RIMS3: variants seen among roughly 807,000 people sequenced by gnomAD.
The protein encoded by RIMS3 is regulating synaptic membrane exocytosis protein 3.
In RIMS3, 15 loss-of-function variants were observed where a neutral mutation model predicts 29.2. The ratio of observed to expected loss-of-function variants is 0.51; its 90% confidence interval spans 0.34 to 0.79. The LOEUF is 0.79. RIMS3 is among the 30% of genes least tolerant of loss of function. The pLI is 0.01. For synonymous variants in RIMS3, 161 were observed against 170.1 expected (o/e 0.95, Z 0.41); for missense variants, 342 against 421.4 (o/e 0.81, Z 1.65).
chr1:40,669,331 A>G (rs1642463755), upstream of RIMS3: 1 of 152,202 alleles, frequency 6.6e-6, no homozygotes, highest in African/African-American at 2.4e-5. Context: ...AAGTGGTGGC[A>G]CCAGAATTTA....
At chr1:40,685,332 T>TATA in the RIMS3 span, among the ~76,000 whole-genome samples, 6 of 17,748 alleles carry the variant, frequency 3.4e-4, no homozygotes, top group Non-Finnish European at 7.5e-4. Context: ...TAATATATAA[T>TATA]ATAATTATAT....
At chr1:40,639,488 T>A (rs887210522) in intron 3 of RIMS3, among the ~76,000 whole-genome samples, 7 of 152,196 alleles carry the variant, frequency 4.6e-5, no homozygotes, top group African/African-American at 1.7e-4. Context: ...CAATGGCAGG[T>A]AATAATAACA....
At chr1:40,630,087 A>AT (rs1491057643) in intron 5 of RIMS3, among the ~76,000 whole-genome samples, 1 of 151,446 alleles carries the variant, frequency 6.6e-6, no homozygotes, top group East Asian at 1.9e-4. Context: ...AAAAAAAAAA[A>AT]AGAAAGAAAG....
chr1:40,685,295 ATTATATATATTAATATAT>A, the RIMS3 span, among the ~76,000 whole-genome samples: 30 of 143,124 alleles, frequency 2.1e-4, no homozygotes, highest in Admixed American at 5.0e-4. Context: ...TAATATATAT[ATTATATATATTAATATAT>A]ATAATTATTA....
chr1:40,660,299 C>A (rs1642333144), intron 1 of RIMS3, among the ~76,000 whole-genome samples: 2 of 151,536 alleles, frequency 1.3e-5, no homozygotes, highest in African/African-American at 4.8e-5. Context: ...GGAGCTGGGT[C>A]TGGACCTGAA....
the RIMS3 span, among the ~76,000 whole-genome samples, chr1:40,681,984 C>A: frequency 6.6e-6 from 1 of 152,172 alleles, no homozygotes; most frequent in Non-Finnish European, 1.5e-5. Flanking sequence ...CAGGTGCCCA[C>A]CACCCCACCC....
chr1:40,689,691 G>A, the RIMS3 span, among the ~76,000 whole-genome samples: 4 of 152,158 alleles, frequency 2.6e-5, no homozygotes, highest in Admixed American at 6.5e-5. Context: ...AGATAGCAAC[G>A]GCTTTAGAAA....
At chr1:40,662,210 G>C (rs1318665017) in intron 1 of RIMS3, among the ~76,000 whole-genome samples, 5 of 152,006 alleles carry the variant, frequency 3.3e-5, no homozygotes, top group African/African-American at 1.2e-4. Flanking sequence ...GGCTGTCCTG[G>C]GCCTGCCCAC....
intron 3 of RIMS3, among the ~76,000 whole-genome samples, chr1:40,640,304 A>T (rs1262108380): frequency 1.3e-5 from 2 of 152,116 alleles, no homozygotes; most frequent in Non-Finnish European, 2.9e-5. Flanking sequence ...ATATTCACAG[A>T]GGCCATGCCC....
rs767072306 is a variant in RIMS3, at chr1:40,636,079, G to T, written c.218-22C>A. On this transcript the variant is annotated intron_variant, in intron 3 of 7. Transcript: ENST00000372684. This position sits in a 1 kb window ranked among gnomAD's most constrained non-coding sequence, Gnocchi z 4.2. ...CCTTCTGTGACCCCCCCAACCCCAAGCACAGAGAGGGAACAAGGTCAGATT... is the reference window on the plus strand; with the variant it reads ...CCTTCTGTGACCCCCCCAACCCCAATCACAGAGAGGGAACAAGGTCAGATT... 1 of 1,601,218 alleles carries T rather than the reference G, an allele frequency of 6.2e-7. No homozygotes were observed. Among genetic ancestry groups the T allele is most frequent in the Non-Finnish European group, 8.5e-7 (1 of 1,179,722 alleles).
chr1:40,648,634 T>C (rs1646610369), intron 1 of RIMS3, among the ~76,000 whole-genome samples: 1 of 152,238 alleles, frequency 6.6e-6, no homozygotes, highest in Non-Finnish European at 1.5e-5. Context: ...CTAATAAGAT[T>C]CCTTTATAAA....
At chr1:40,671,875 A>G in the RIMS3 span, among the ~76,000 whole-genome samples, 1 of 148,114 alleles carries the variant, frequency 6.8e-6, no homozygotes, top group Non-Finnish European at 1.5e-5. Flanking sequence ...GGATTCTCCT[A>G]CCTCAGTCTC....
the RIMS3 span, among the ~76,000 whole-genome samples, chr1:40,688,084 C>T: frequency 2.0e-5 from 3 of 152,176 alleles, no homozygotes; most frequent in Admixed American, 2.0e-4. Flanking sequence ...CCTGCCTCAG[C>T]CTCCTGAGTA....
At chr1:40,660,063 T>C (rs1452221613) in intron 1 of RIMS3, among the ~76,000 whole-genome samples, 1 of 151,936 alleles carries the variant, frequency 6.6e-6, no homozygotes, top group Non-Finnish European at 1.5e-5. Context: ...TGAGAGCCAA[T>C]GGTGGCCTGG....
the RIMS3 span, among the ~76,000 whole-genome samples, chr1:40,676,761 A>G: frequency 6.6e-6 from 1 of 152,136 alleles, no homozygotes; most frequent in Non-Finnish European, 1.5e-5. Context: ...TAAGCTAACA[A>G]CTATGTTGAT....
rs1646421472 is a variant in RIMS3 at position 40,621,627 on chromosome 1, G to C, written c.*4890C>G. ...GAGCAGCTAATGCTCTGATTTTGCA[G>C]ATGAGGAAGTTGAGGCCCAGAAAAG... On this transcript the variant is annotated 3_prime_UTR_variant, in exon 8 of 8. Transcript: ENST00000372684. The C allele has an allele frequency of 6.6e-6, 1 of 152,292 alleles. No homozygotes were observed. The highest frequency in any genetic ancestry group is 2.1e-4 in the South Asian group (1 of 4,834). 9.4% of individuals were successfully genotyped at this position (152,292 alleles called of 1,614,324 possible).
At chr1:40,644,223 T>A (rs1253743221) in intron 2 of RIMS3, among the ~76,000 whole-genome samples, 3 of 152,246 alleles carry the variant, frequency 2.0e-5, no homozygotes, top group African/African-American at 7.2e-5. Context: ...TCCAATGATG[T>A]GAGACAATAC....
intron 3 of RIMS3, among the ~76,000 whole-genome samples, chr1:40,637,153 C>T (rs1646525568): frequency 6.6e-6 from 1 of 152,204 alleles, no homozygotes; most frequent in African/African-American, 2.4e-5. Flanking sequence ...GGCAGCACAG[C>T]CCCTGAAAAC....
intron 3 of RIMS3, among the ~76,000 whole-genome samples, chr1:40,640,867 G>C (rs115700294): frequency 2.5e-3 from 386 of 152,294 alleles, no homozygotes; most frequent in African/African-American, 8.5e-3. Context: ...CTGTGATCTG[G>C]GTCTGTGCAT....
Sources: gnomAD v4.1 joint callset for allele counts (sites outside exome capture counted in the v4.1 genomes callset) on GRCh38, gnomAD v4.1.1 for gene constraint, Gnocchi (gnomAD v3.1) non-coding constraint, MANE v1.5 for transcripts, NCBI Gene and HGNC (gene_info 2026-07-23, HGNC 2026-07-21) for gene names.